Variants in CEP63 observed in about 807,000 individuals in gnomAD.
CEP63 encodes the protein centrosomal protein of 63 kDa.
Under a neutral mutation model 89.1 loss-of-function variants are expected in CEP63, and 84 were observed. That is an observed-to-expected ratio of 0.94 (90% confidence interval 0.79 to 1.13). CEP63 has a LOEUF of 1.13. CEP63 is among the 50% of genes most tolerant of loss of function. The pLI is 0.00. For missense variants in CEP63, 838 were observed against 813.3 expected, an observed-to-expected ratio of 1.03 and a Z score of -0.37; for synonymous variants, 267 against 272.5, an observed-to-expected ratio of 0.98 and a Z score of 0.20.
At chr3:134,612,773 G>GTGTGTGTGTT in the CEP63 span, among the ~76,000 whole-genome samples, 1 of 151,058 alleles carries the variant, frequency 6.6e-6, no homozygotes, top group South Asian at 2.1e-4. Context: ...GTGTGTGTGT[G>GTGTGTGTGTT]TGTGTGTGTG....
At chr3:134,529,358 T>TTG (rs35931828) in intron 3 of CEP63, among the ~76,000 whole-genome samples, 1 of 149,896 alleles carries the variant, frequency 6.7e-6, no homozygotes, top group Non-Finnish European at 1.5e-5. Context: ...TTTTTTTTTT[T>TTG]GAGACTGAGT....
At chr3:134,489,439 G>T (rs916065365) in intron 1 of CEP63, among the ~76,000 whole-genome samples, 1 of 152,104 alleles carries the variant, frequency 6.6e-6, no homozygotes, top group African/African-American at 2.4e-5. Context: ...AATTATCAGG[G>T]AAGCAGTGTC....
At chr3:134,624,936 G>A in the CEP63 span, 6 of 881,292 alleles carry the variant, frequency 6.8e-6, no homozygotes, top group East Asian at 1.6e-4. Flanking sequence ...GCATTCCAGG[G>A]CCATCCAACC....
the CEP63 span, among the ~76,000 whole-genome samples, chr3:134,675,588 A>C: frequency 6.6e-6 from 1 of 152,228 alleles, no homozygotes; most frequent in Non-Finnish European, 1.5e-5. Context: ...CAAGAAAGTG[A>C]AAAGTTCACT....
intron 2 of CEP63, among the ~76,000 whole-genome samples, chr3:134,501,509 G>C (rs1477130204): frequency 1.3e-5 from 2 of 152,058 alleles, no homozygotes; most frequent in African/African-American, 4.8e-5. Context: ...ATTTCTTTCA[G>C]CAGTGTTTTG....
chr3:134,531,725 A>G lies in CEP63; in HGVS notation c.223-120A>G. On this transcript the variant is annotated intron_variant, in intron 3 of 14. Coordinates refer to ENST00000675561, the MANE Select transcript of CEP63 (RefSeq NM_001353108.3). ...TTCCTAAGAAGTGGGGTATCACCAT[A>G]TATATGCATTTGAGAACTTGAATTT... The G allele has an allele frequency of 5.3e-6, 4 of 756,786 alleles. No homozygotes were observed. In the South Asian group the frequency reaches 6.0e-5, roughly 11 times the overall value. The allele number at this position is 756,786 out of a possible 1,614,324, so 46.9% of individuals were successfully genotyped here. A position where few individuals can be genotyped will look rare whatever the true frequency, so the allele number is the denominator to read the frequency against.
chr3:134,494,505 G>T (rs1939042924), intron 1 of CEP63, among the ~76,000 whole-genome samples: 1 of 152,090 alleles, frequency 6.6e-6, no homozygotes, highest in East Asian at 1.9e-4. Context: ...TGACCAGTTT[G>T]CATGGGGGAG....
intron 1 of CEP63, among the ~76,000 whole-genome samples, chr3:134,488,339 C>T (rs151049479): frequency 6.6e-5 from 10 of 152,222 alleles, no homozygotes; most frequent in Admixed American, 3.9e-4. Context: ...GTTGGCCGGG[C>T]GCGGTGACTC....
chr3:134,616,411 G>A, the CEP63 span, among the ~76,000 whole-genome samples: 1 of 152,172 alleles, frequency 6.6e-6, no homozygotes, highest in Non-Finnish European at 1.5e-5. Flanking sequence ...ATCAGCAAGT[G>A]CGGATTATAT....
the CEP63 span, among the ~76,000 whole-genome samples, chr3:134,632,128 A>G: frequency 6.6e-5 from 10 of 152,248 alleles, no homozygotes; most frequent in South Asian, 2.1e-3. Context: ...ACAAGAACTG[A>G]TAGGACTAAA....
At chr3:134,687,834 G>A in the CEP63 span, among the ~76,000 whole-genome samples, 1 of 152,212 alleles carries the variant, frequency 6.6e-6, no homozygotes, top group African/African-American at 2.4e-5. Context: ...AGCCACAGCT[G>A]TGGACTGTCC....
chr3:134,686,579 T>TC, the CEP63 span, among the ~76,000 whole-genome samples: 3 of 151,732 alleles, frequency 2.0e-5, no homozygotes, highest in African/African-American at 7.3e-5. Context: ...TCCTCCACTG[T>TC]CCACAGCGGA....
the CEP63 span, among the ~76,000 whole-genome samples, chr3:134,668,857 C>T: frequency 6.6e-6 from 1 of 152,192 alleles, no homozygotes; most frequent in Non-Finnish European, 1.5e-5. Context: ...ATCTCTGCCA[C>T]CTCCACTACC....
intron 3 of CEP63, among the ~76,000 whole-genome samples, chr3:134,525,559 C>T (rs1008560865): frequency 6.6e-6 from 1 of 152,090 alleles, no homozygotes; most frequent in Non-Finnish European, 1.5e-5. Flanking sequence ...GGATTTGATT[C>T]TCTCATGATG....
the CEP63 span, chr3:134,619,173 C>T: frequency 1.2e-6 from 2 of 1,613,768 alleles, no homozygotes; most frequent in African/African-American, 1.3e-5. Flanking sequence ...AAGAGGCCAG[C>T]ATAGCCATCA....
chr3:134,532,636 C>T, intron 4 of CEP63, 142 bp from the exon 5 acceptor site: 1 of 587,004 alleles, frequency 1.7e-6, no homozygotes, highest in Non-Finnish European at 2.9e-6. Context: ...TTTTTAGTTT[C>T]CTTTTGTGTT....
chr3:134,628,287 C>G, the CEP63 span, among the ~76,000 whole-genome samples: 4 of 152,156 alleles, frequency 2.6e-5, no homozygotes, highest in Non-Finnish European at 5.9e-5. Context: ...TAAATTATTC[C>G]TTGGGAGGAT....
the CEP63 span, among the ~76,000 whole-genome samples, chr3:134,711,837 A>G: frequency 3.3e-5 from 5 of 150,150 alleles, no homozygotes; most frequent in Admixed American, 2.0e-4. Flanking sequence ...ATCTTGGCTC[A>G]CTGTAACCTC....
the CEP63 span, among the ~76,000 whole-genome samples, chr3:134,701,651 C>G: frequency 6.6e-6 from 1 of 152,012 alleles, no homozygotes; most frequent in Non-Finnish European, 1.5e-5. Flanking sequence ...GAAGCATTCC[C>G]CTTGAAAAAT....
Sources: allele counts gnomAD v4.1 joint callset (sites outside exome capture counted in the v4.1 genomes callset), GRCh38; gene constraint gnomAD v4.1.1; transcripts MANE v1.5; gene names NCBI Gene and HGNC (gene_info 2026-07-23, HGNC 2026-07-21).